ABCA1: variants seen among roughly 807,000 people sequenced by gnomAD.
The protein encoded by ABCA1 is ATP binding cassette subfamily A member 1.
Under a neutral mutation model 262.5 loss-of-function variants are expected in ABCA1, and 133 were observed. The observed-to-expected ratio is 0.51, with a 90% confidence interval of 0.44 to 0.59. The LOEUF is 0.59. Among genes scored for constraint, ABCA1 ranks in the 20% least tolerant of loss-of-function variants. The probability of loss-of-function intolerance (pLI) is 0.00; values close to 1 mark genes in which losing one functional copy is unlikely to be tolerated. For synonymous variants in ABCA1, 1,022 were observed against 1,043.5 expected, an observed-to-expected ratio of 0.98 and a Z score of 0.40; for missense variants, 2,452 against 2,777.5, an observed-to-expected ratio of 0.88 and a Z score of 2.63.
rs139397024 is a variant in ABCA1, at chr9:104,821,634, C to T, written c.2829-128G>A. 1,375 of 1,084,380 alleles carry T rather than the reference C, an allele frequency of 1.3e-3. 15 individuals are homozygous for T. In the African/African-American group the frequency reaches 0.018, roughly 14 times the overall value. 67.2% of individuals were successfully genotyped at this position (1,084,380 alleles called of 1,614,324 possible). On this transcript the variant is annotated intron_variant, in intron 19 of 49. Transcript: ENST00000374736. ...CGCCCCCATTCCTTTCTAATGAACC[C>T]TACCAGACCCACACAAAGCAAAGCT...
In ABCA1 at chr9:104,884,426, C is replaced by A; in HGVS notation, c.302+1G>T. 1 of 1,614,198 alleles carries A rather than the reference C, an allele frequency of 6.2e-7. No homozygotes were observed. The highest frequency in any genetic ancestry group is 8.5e-7 in the Non-Finnish European group (1 of 1,180,018). The stretch of plus-strand genomic sequence containing the variant: ...GAAAGAAAACCTGATCTGATACTTA[C>A]ATGGATTTGTTAAAGTTTCCAACAA... On this transcript the variant is annotated splice_donor_variant, in intron 4 of 49. Transcript: ENST00000374736. LOFTEE classifies it high-confidence loss of function.
Position 104,892,816 on chromosome 9 carries a change from T to C in ABCA1, c.67-3621A>G, listed in dbSNP as rs540324364. On this transcript the variant is annotated intron_variant, in intron 2 of 49. Coordinates refer to ENST00000374736, the MANE Select transcript of ABCA1 (RefSeq NM_005502.4). The stretch of plus-strand genomic sequence containing the variant: ...ATCCTAGGAAACTGAACTTAAGATA[T>C]CAAAAAGCTATATGCATAAAGTTAT... 2.5e-3 allele frequency among the ~76,000 whole-genome samples: 376 copies of C among 152,284 alleles called. 3 individuals carry two copies. Among genetic ancestry groups the C allele is most frequent in the Non-Finnish European group, 4.3e-3 (292 of 68,026 alleles).
intron 1 of ABCA1, among the ~76,000 whole-genome samples, chr9:104,912,314 G>A (rs1439981460): frequency 5.3e-5 from 8 of 152,226 alleles, no homozygotes; most frequent in East Asian, 1.9e-4. Context: ...CAGCAGGATC[G>A]CTTGAGCCCA....
At chr9:104,852,558 T>TA (rs1434397964) in intron 7 of ABCA1, among the ~76,000 whole-genome samples, 1 of 152,184 alleles carries the variant, frequency 6.6e-6, no homozygotes, top group African/African-American at 2.4e-5. Context: ...GAAGAAATAG[T>TA]ATAACTAAGG....
chr9:104,880,045 T>C (rs1159452671), intron 5 of ABCA1, among the ~76,000 whole-genome samples: 1 of 152,102 alleles, frequency 6.6e-6, no homozygotes. Context: ...AACAGGGTGG[T>C]GAATATTTTC....
intron 19 of ABCA1, among the ~76,000 whole-genome samples, chr9:104,821,787 T>C (rs1832376353): frequency 6.6e-6 from 1 of 152,256 alleles, no homozygotes; most frequent in African/African-American, 2.4e-5. Context: ...GTATTTTGTA[T>C]GCCTAACATC....
Position 104,810,880 on chromosome 9 carries a change from G to A in ABCA1, c.4095C>T (p.Ser1365=), listed in dbSNP as rs1333822219. The A allele has an allele frequency of 6.2e-7, 1 of 1,614,120 alleles. No individual in the cohort carries two copies. Among genetic ancestry groups the A allele is most frequent in the African/African-American group, 1.3e-5 (1 of 74,948 alleles). The part of the protein sequence containing the change: ...AVFVCIALVF[S]LIVPPFGKYP... ...ACTTGCCAAAGGGTGGCACGATCAG[G>A]CTGAACACAAGGGCAATGCAGACAA... Residue 1365 remains serine (S), a synonymous_variant, in exon 29 of 50, where the codon AGC becomes AGT. Coordinates refer to ENST00000374736, the MANE Select transcript of ABCA1 (RefSeq NM_005502.4).
At position 104,812,499 on chromosome 9, in the gene ABCA1, T is replaced by TC; in HGVS notation, c.4050+74dup. ...CATCCATATCTTGACCAGGATGCTATCCTGCCTTCACTGGTCACAGAGCCT... is the reference window on the plus strand; with the variant it reads ...CATCCATATCTTGACCAGGATGCTATCCCTGCCTTCACTGGTCACAGAGCCT... On this transcript the variant is annotated intron_variant, in intron 28 of 49. Coordinates refer to ENST00000374736, the MANE Select transcript of ABCA1 (RefSeq NM_005502.4). The TC allele has an allele frequency of 8.8e-6, 14 of 1,588,540 alleles. No homozygotes were observed. The South Asian group carries it at 1.6e-4, about 18-fold the overall frequency.
chr9:104,811,203 C>CT (rs1300208599), intron 28 of ABCA1, among the ~76,000 whole-genome samples: 1 of 152,240 alleles, frequency 6.6e-6, no homozygotes, highest in Non-Finnish European at 1.5e-5. Flanking sequence ...GTAAATAGTG[C>CT]TCACATTCAG....
At position 104,816,394 on chromosome 9, in the gene ABCA1, C is replaced by T. The variant is rs55858182; in HGVS notation, c.3536-49G>A. The T allele has an allele frequency of 7.4e-3, 11,649 of 1,581,584 alleles. 65 individuals are homozygous for T. The highest frequency in any genetic ancestry group is 9.0e-3 in the Non-Finnish European group (10,325 of 1,153,012). On this transcript the variant is annotated intron_variant, in intron 24 of 49. Transcript: ENST00000374736. ...TGGCTCAATCAACTCAGAGGGGCTT[C>T]GGAGTGAGGGCTGGCCATCCCCCAC...
chr9:104,890,575 C>A (rs1002593377), intron 2 of ABCA1, among the ~76,000 whole-genome samples: 2 of 151,156 alleles, frequency 1.3e-5, no homozygotes, highest in African/African-American at 2.4e-5. Context: ...AGAGAGACTC[C>A]GTCTCAAAAA....
At chr9:104,840,723 G>A (rs776456149) in intron 8 of ABCA1, among the ~76,000 whole-genome samples, 20 of 152,308 alleles carry the variant, frequency 1.3e-4, no homozygotes, top group Middle Eastern at 3.4e-3. Context: ...GTCCAGGGAC[G>A]AGCAGCATCA....
intron 8 of ABCA1, among the ~76,000 whole-genome samples, chr9:104,841,248 C>G (rs1588372159): frequency 6.6e-6 from 1 of 151,942 alleles, no homozygotes; most frequent in East Asian, 1.9e-4. Flanking sequence ...CCAGCCTGGC[C>G]AACATGGTGA....
At position 104,816,296 on chromosome 9, in the gene ABCA1, C is replaced by G. The variant is rs746126743; in HGVS notation, c.3585G>C (p.Arg1195=). The G allele has an allele frequency of 6.2e-7, 1 of 1,614,028 alleles. No homozygotes were observed. Among genetic ancestry groups the G allele is most frequent in the Non-Finnish European group, 8.5e-7 (1 of 1,180,002 alleles). Reference sequence around the variant, plus strand: ...GCTCATGCCCTATGTCTTCCACCAGCCGGGCTTCAGACACATGCTTCCTGA... The same window carrying G: ...GCTCATGCCCTATGTCTTCCACCAGGCGGGCTTCAGACACATGCTTCCTGA... ...NLIRKHVSEA[R]LVEDIGHELT... Residue 1195 remains arginine (R), a synonymous_variant, in exon 25 of 50, where the codon CGG becomes CGC. Transcript: ENST00000374736.
Position 104,790,907 on chromosome 9 carries a change from C to A in ABCA1, c.5927+15G>T. Reference sequence around the variant, plus strand: ...AAAGTCTTTGCAGCAAAATACAAGCCACTTCTTTTCTCACCTATTTTTGTT... The same window carrying A: ...AAAGTCTTTGCAGCAAAATACAAGCAACTTCTTTTCTCACCTATTTTTGTT... On this transcript the variant is annotated intron_variant, in intron 44 of 49. Coordinates refer to ENST00000374736, the MANE Select transcript of ABCA1 (RefSeq NM_005502.4). 6.5e-7 allele frequency: 1 copy of A among 1,537,912 alleles called. No individual in the cohort carries two copies. The highest frequency in any genetic ancestry group is 1.1e-5 in the South Asian group (1 of 89,416).
chr9:104,861,859 T>C, intron 5 of ABCA1, 59 bp from the exon 6 acceptor site: 1 of 1,235,998 alleles, frequency 8.1e-7, no homozygotes, highest in Non-Finnish European at 1.2e-6. Flanking sequence ...AAAAAAAAAG[T>C]GGGCACAATG....
Position 104,786,883 on chromosome 9 carries a change from T to A in ABCA1, c.6298A>T (p.Thr2100Ser), listed in dbSNP as rs967858820. Residue 2100 changes from threonine to serine, a missense_variant, in exon 47 of 50, where the codon ACA becomes TCA. This residue lies in a region of ABCA1 where 752 missense variants were observed against 944.5 expected (regional missense o/e 0.80). Transcript: ENST00000374736. ...GACTTTACTACGGACCTATGAGATG[T>A]AAGCACTACTGATCTCCCCTCCTTG... Reference protein sequence around the residue: ...VVKEGRSVVLTSHSMEECEAL... With the variant: ...VVKEGRSVVLSSHSMEECEAL... 17 of 1,613,708 alleles carry A rather than the reference T, an allele frequency of 1.1e-5. No individual in the cohort carries two copies. The highest frequency in any genetic ancestry group is 1.4e-5 in the Non-Finnish European group (16 of 1,179,768).
At chr9:104,790,191 T>C (rs913512068) in intron 44 of ABCA1, among the ~76,000 whole-genome samples, 3 of 151,974 alleles carry the variant, frequency 2.0e-5, no homozygotes, top group African/African-American at 4.8e-5. Context: ...TTCCCAAAGA[T>C]CAGATTGCTT....
Position 104,792,902 on chromosome 9 carries a change from C to T in ABCA1, c.5641G>A (p.Val1881Ile), listed in dbSNP as rs1564083745. ...TTCAGAGGAGATAGCTTTGCATTTA[C>T]AGGTCTTGGGGGAAAAAACAAGAAA... ...QYRFFIRPRP[V>I]NAKLSPLNDE... The change falls in exon 42 of 50, where the codon GTA (valine) becomes ATA (isoleucine). Residue 1881 changes from valine to isoleucine, a missense_variant. By Grantham distance (29) the Val-to-Ile change is conservative (BLOSUM62 3). This residue lies in a region of ABCA1 where 752 missense variants were observed against 944.5 expected (regional missense o/e 0.80). Transcript: ENST00000374736. The T allele has an allele frequency of 3.1e-6, 5 of 1,613,952 alleles. No individual in the cohort carries two copies. In the Admixed American group the frequency reaches 5.0e-5, roughly 16 times the overall value.
Sources: allele counts gnomAD v4.1 joint callset (sites outside exome capture counted in the v4.1 genomes callset), GRCh38; gene constraint gnomAD v4.1.1; regional missense constraint gnomAD v4.1.1; transcripts MANE v1.5; gene names NCBI Gene and HGNC (gene_info 2026-07-23, HGNC 2026-07-21).